Variants in DMRT1 observed in about 807,000 individuals in gnomAD.
The protein encoded by DMRT1 is doublesex and mab-3 related transcription factor 1.
In DMRT1, 7 loss-of-function variants were observed where a neutral mutation model predicts 32.3. The observed-to-expected ratio is 0.22, with a 90% CI of 0.12 to 0.41. The LOEUF is 0.41. Among genes scored for constraint, DMRT1 ranks in the 10% least tolerant of loss-of-function variants. The pLI is 1.00. For synonymous variants in DMRT1, 278 were observed against 206.1 expected, an observed-to-expected ratio of 1.35 and a Z score of -2.99; for missense variants, 625 against 500.5, an observed-to-expected ratio of 1.25 and a Z score of -2.37.
chr9:870,708 A>ATTTTTTTTTTT (rs1564211315), intron 2 of DMRT1, among the ~76,000 whole-genome samples: 3 of 36,256 alleles, frequency 8.3e-5, no homozygotes, highest in Non-Finnish European at 5.2e-5. Flanking sequence ...CATTTTCTTG[A>ATTTTTTTTTTT]CTTTTTTTTT....
chr9:954,487 G>T (rs1819530759), intron 4 of DMRT1, among the ~76,000 whole-genome samples: 1 of 152,204 alleles, frequency 6.6e-6, no homozygotes, highest in Middle Eastern at 3.4e-3. Flanking sequence ...GAGGGAGGTG[G>T]AGTAGTCTTA....
In DMRT1 at chr9:842,048, C is replaced by G. The variant is rs761639194; in HGVS notation, c.210C>G (p.Ser70=). 1 of 1,545,162 alleles carries G rather than the reference C, an allele frequency of 6.5e-7. No homozygotes were observed. The highest frequency in any genetic ancestry group is 2.4e-5 in the East Asian group (1 of 41,146). ...ASDLGAGSKK[S]PRLPKCARCR... ...ACCTGGGTGCCGGGAGCAAGAAGTC[C>G]CCGCGGCTGCCCAAGTGCGCACGCT... is the stretch of plus-strand genomic sequence containing the variant. The change falls in exon 1 of 5, where the codon TCC becomes TCG. Residue 70 remains serine (S), a synonymous_variant. Transcript: ENST00000382276.
chr9:902,931 C>G (rs1254238137), intron 3 of DMRT1, among the ~76,000 whole-genome samples: 1 of 152,026 alleles, frequency 6.6e-6, no homozygotes, highest in Admixed American at 6.5e-5. Flanking sequence ...GGTCAGTAGG[C>G]AAGTTTTGGA....
At chr9:928,808 AT>A (rs1443177658) in intron 4 of DMRT1, among the ~76,000 whole-genome samples, 1 of 151,814 alleles carries the variant, frequency 6.6e-6, no homozygotes, top group African/African-American at 2.4e-5. Flanking sequence ...TACTAAAATT[AT>A]TTGTTTCTGA....
intron 2 of DMRT1, among the ~76,000 whole-genome samples, chr9:858,313 C>T (rs548980240): frequency 7.9e-4 from 120 of 152,070 alleles, no homozygotes; most frequent in African/African-American, 2.6e-3. Context: ...TGCTGCCTTA[C>T]GCTTGCTGCC....
intron 2 of DMRT1, among the ~76,000 whole-genome samples, chr9:882,269 A>G (rs1816762245): frequency 6.6e-6 from 1 of 152,080 alleles, no homozygotes; most frequent in East Asian, 1.9e-4. Context: ...GGGGATCCCA[A>G]ATTGCATACC....
intron 3 of DMRT1, among the ~76,000 whole-genome samples, chr9:896,681 C>T (rs906095717): frequency 2.0e-5 from 3 of 151,882 alleles, no homozygotes; most frequent in African/African-American, 4.8e-5. Flanking sequence ...GGCATGGTGG[C>T]GCACGCCTGT....
At chr9:847,921 C>T (rs1273589422) in intron 2 of DMRT1, among the ~76,000 whole-genome samples, 1 of 152,346 alleles carries the variant, frequency 6.6e-6, no homozygotes, top group East Asian at 1.9e-4. Context: ...TAGCCATATA[C>T]AGCTAAGGGC....
At chr9:913,573 C>T (rs1010950895) in intron 3 of DMRT1, among the ~76,000 whole-genome samples, 6 of 151,022 alleles carry the variant, frequency 4.0e-5, no homozygotes, top group African/African-American at 1.5e-4. Context: ...CAGCTGGAAA[C>T]TGGATGGTTG....
chr9:920,825 G>T (rs1345123201), intron 4 of DMRT1, among the ~76,000 whole-genome samples: 1 of 152,194 alleles, frequency 6.6e-6, no homozygotes. Context: ...GGAACCAAGG[G>T]TCTGCAGAGT....
chr9:901,142 G>A (rs1586590289), intron 3 of DMRT1, among the ~76,000 whole-genome samples: 1 of 152,044 alleles, frequency 6.6e-6, no homozygotes, highest in African/African-American at 2.4e-5. Flanking sequence ...AGCCCCCTCA[G>A]TAGCTGAGGC....
chr9:901,884 C>T (rs1274902411), intron 3 of DMRT1, among the ~76,000 whole-genome samples: 2 of 149,714 alleles, frequency 1.3e-5, no homozygotes, highest in African/African-American at 5.0e-5. Flanking sequence ...CCCCCATGGC[C>T]CACACCATCA....
intron 4 of DMRT1, among the ~76,000 whole-genome samples, chr9:939,051 T>C (rs1233801958): frequency 1.3e-5 from 2 of 152,260 alleles, no homozygotes; most frequent in Non-Finnish European, 2.9e-5. Flanking sequence ...CCCCACTCCA[T>C]AGCCTTCTAG....
rs1472326693 is a variant in DMRT1, at chr9:847,011, C to T, written c.406C>T (p.Pro136Ser). The stretch of plus-strand genomic sequence containing the variant: ...GGAGGAGGAATTGGGTATCAGCCAC[C>T]CCATCCCACTGCCCAGTGCGGCCGA... ...AQEEELGISHPIPLPSAAELL... is the reference protein window; with the variant it reads ...AQEEELGISHSIPLPSAAELL... Residue 136 changes from proline (P) to serine (S), a missense_variant, in exon 2 of 5, where the codon CCC (proline) becomes TCC (serine). By Grantham distance (74) the Pro-to-Ser change is moderately conservative. Transcript: ENST00000382276. 1 of 1,614,112 alleles carries T rather than the reference C, an allele frequency of 6.2e-7. No homozygotes were observed. The highest frequency in any genetic ancestry group is 1.7e-5 in the Admixed American group (1 of 60,006).
At chr9:863,561 A>AC (rs778355216) in intron 2 of DMRT1, among the ~76,000 whole-genome samples, 6 of 152,176 alleles carry the variant, frequency 3.9e-5, no homozygotes, top group Admixed American at 3.3e-4. Flanking sequence ...CTACTAACAC[A>AC]CAGGGAGCTG....
chr9:868,527 A>T (rs191599710), intron 2 of DMRT1, among the ~76,000 whole-genome samples: 4 of 152,236 alleles, frequency 2.6e-5, no homozygotes, highest in South Asian at 2.1e-4. Context: ...CTGGGTTTCA[A>T]TCGCAGTTCC....
chr9:907,694 C>T (rs1258151468), intron 3 of DMRT1, among the ~76,000 whole-genome samples: 1 of 152,110 alleles, frequency 6.6e-6, no homozygotes, highest in Non-Finnish European at 1.5e-5. Flanking sequence ...CACAAAATGA[C>T]AAGTTTTGTA....
Position 841,742 on chromosome 9 carries a change from C to G in DMRT1, c.-97C>G, listed in dbSNP as rs3739585. ...TGCAGCGCACACGTCTCCTGCGCCT[C>G]CTCCTCCGGAGCGTCGCTGTCCGTC... On this transcript the variant is annotated 5_prime_UTR_variant, in exon 1 of 5. Coordinates refer to ENST00000382276, the MANE Select transcript of DMRT1 (RefSeq NM_021951.3). The G allele has an allele frequency of 1.9e-6, 3 of 1,547,194 alleles. No individual in the cohort carries two copies. In the South Asian group the frequency reaches 3.6e-5, roughly 18 times the overall value.
intron 2 of DMRT1, among the ~76,000 whole-genome samples, chr9:877,329 C>G (rs933017768): frequency 6.6e-6 from 1 of 152,144 alleles, no homozygotes; most frequent in Admixed American, 6.5e-5. Context: ...AGAGGTATGT[C>G]TCACCCCCCT....
Sources: allele counts gnomAD v4.1 joint callset (sites outside exome capture counted in the v4.1 genomes callset), GRCh38; gene constraint gnomAD v4.1.1; transcripts MANE v1.5; gene names NCBI Gene and HGNC (gene_info 2026-07-23, HGNC 2026-07-21).